Variants in HMMR observed in about 807,000 individuals in gnomAD.
HMMR encodes intracellular hyaluronic acid-binding protein.
In HMMR, 108 loss-of-function variants were observed where a neutral mutation model predicts 101.0. The observed-to-expected ratio is 1.07, with a 90% confidence interval of 0.92 to 1.25. HMMR has a LOEUF of 1.25. HMMR is among the 50% of genes most tolerant of loss of function. HMMR has a pLI of 0.00. For synonymous variants in HMMR, 296 were observed against 276.4 expected (o/e 1.07, Z -0.70); for missense variants, 813 against 788.7 (o/e 1.03, Z -0.37).
Position 163,482,746 on chromosome 5 carries a change from A to G in HMMR, c.1490A>G (p.His497Arg). The change falls in exon 13 of 18, where the codon CAT (histidine) becomes CGT (arginine). Residue 497 changes from histidine to arginine, a missense_variant. Coordinates refer to ENST00000393915, the MANE Select transcript of HMMR (RefSeq NM_001142556.2). ...KAGKNAEDVQ[H>R]QILATESSNQ... ...GGGAAAAATGCAGAGGATGTTCAGC[A>G]TCAGATTTTGGCAACTGAGAGCTCA... 2 of 1,614,068 alleles carry G rather than the reference A, an allele frequency of 1.2e-6. No homozygotes were observed. The highest frequency in any genetic ancestry group is 1.7e-6 in the Non-Finnish European group (2 of 1,179,906).
intron 16 of HMMR, among the ~76,000 whole-genome samples, chr5:163,487,171 T>C (rs1046811845): frequency 6.6e-6 from 1 of 152,260 alleles, no homozygotes; most frequent in African/African-American, 2.4e-5. Flanking sequence ...TAATGAATTC[T>C]ATCAAGTGCT....
intron 1 of HMMR, 36 bp from the exon 2 acceptor site, chr5:163,463,820 A>G (rs1758615365): frequency 1.3e-6 from 1 of 799,144 alleles, no homozygotes; most frequent in Non-Finnish European, 1.9e-6. Context: ...CATAAGTAAC[A>G]TTAGATAATA....
chr5:163,473,236 A>G lies in HMMR; in HGVS notation c.708A>G (p.Glu236=). ...DEKSETEKLL[E]YIEEISCASD... ...AATCTGAAACAGAAAAACTCTTGGA[A>G]TACATCGAAGAAATTAGGTAATATG... Residue 236 remains glutamate, a synonymous_variant, in exon 8 of 18, where the codon GAA becomes GAG. Coordinates refer to ENST00000393915, the MANE Select transcript of HMMR (RefSeq NM_001142556.2). The G allele has an allele frequency of 1.3e-6, 2 of 1,577,272 alleles. No individual in the cohort carries two copies. The highest frequency in any genetic ancestry group is 8.7e-7 in the Non-Finnish European group (1 of 1,149,406).
rs1758996334 is a variant in HMMR, at chr5:163,474,191, CT to C, written c.1040del (p.Leu347ArgfsTer33). Reference sequence around the variant, plus strand: ...AAAAGAATTACAAATTGATTCACTTCTGCAACAAGAGAAAGTAATTTACCAC... The same window carrying C: ...AAAAGAATTACAAATTGATTCACTTCGCAACAAGAGAAAGTAATTTACCAC... ...QQKELQIDSL[L>X]QQEKELSSSL... is the part of the protein sequence containing the mutation. On this transcript the variant is annotated frameshift_variant, in exon 10 of 18. Transcript: ENST00000393915. LOFTEE classifies it high-confidence loss of function. The C allele has an allele frequency of 6.2e-7, 1 of 1,604,670 alleles. No individual in the cohort carries two copies. Among genetic ancestry groups the C allele is most frequent in the Non-Finnish European group, 8.5e-7 (1 of 1,176,180 alleles).
At chr5:163,480,226 CCCT>C (rs1175641833) in intron 12 of HMMR, among the ~76,000 whole-genome samples, 2 of 152,106 alleles carry the variant, frequency 1.3e-5, no homozygotes, top group South Asian at 2.1e-4. Context: ...GCTTTTTCCC[CCCT>C]GTGTATTATA....
At chr5:163,464,971 C>T in intron 3 of HMMR, 169 bp downstream of exon 3, 2 of 584,086 alleles carry the variant, frequency 3.4e-6, no homozygotes, top group Non-Finnish European at 6.1e-6. Flanking sequence ...ACATTTCTGC[C>T]TAGGTCATTA....
At chr5:163,483,462 A>T in intron 15 of HMMR, 95 bp downstream of exon 15, 1 of 674,870 alleles carries the variant, frequency 1.5e-6, no homozygotes, top group South Asian at 2.1e-5. Flanking sequence ...TTTCTGCAAG[A>T]TCATTTTGCT....
intron 2 of HMMR, among the ~76,000 whole-genome samples, 183 bp from the exon 3 acceptor site, chr5:163,464,540 G>A (rs1024051800): frequency 1.2e-4 from 19 of 152,106 alleles, no homozygotes; most frequent in African/African-American, 4.3e-4. Context: ...CTTGAAACTG[G>A]GAGGCAGAGG....
chr5:163,490,864 G>T (rs1581206857), intron 17 of HMMR, among the ~76,000 whole-genome samples: 1 of 152,140 alleles, frequency 6.6e-6, no homozygotes, highest in African/African-American at 2.4e-5. Context: ...TAACCTAAAT[G>T]TCTCTTAGGT....
chr5:163,469,370 CAAAAAA>C (rs11325489), intron 4 of HMMR, among the ~76,000 whole-genome samples: 1 of 108,254 alleles, frequency 9.2e-6, no homozygotes. Context: ...GACTCCATCT[CAAAAAA>C]AAAAAAAAAA....
chr5:163,466,887 T>A (rs751511476), intron 3 of HMMR, among the ~76,000 whole-genome samples: 1 of 152,236 alleles, frequency 6.6e-6, no homozygotes, highest in Non-Finnish European at 1.5e-5. Context: ...GACACTCTTT[T>A]CTTAGAAATT....
chr5:163,480,799 G>T (rs537125006), intron 12 of HMMR, among the ~76,000 whole-genome samples: 1 of 152,054 alleles, frequency 6.6e-6, no homozygotes, highest in Non-Finnish European at 1.5e-5. Flanking sequence ...TGTCTATAGG[G>T]TTATCATCTT....
intron 5 of HMMR, among the ~76,000 whole-genome samples, chr5:163,470,411 C>G (rs991462755): frequency 6.6e-6 from 1 of 152,054 alleles, no homozygotes; most frequent in Non-Finnish European, 1.5e-5. Flanking sequence ...CACTTGAGGT[C>G]AGGATTTTGA....
chr5:163,487,571 T>C (rs1481125077), intron 16 of HMMR, among the ~76,000 whole-genome samples: 2 of 152,160 alleles, frequency 1.3e-5, no homozygotes, highest in Non-Finnish European at 2.9e-5. Flanking sequence ...TGTGAATATT[T>C]TTTGGTTACT....
intron 1 of HMMR, among the ~76,000 whole-genome samples, chr5:163,462,852 A>G (rs1758584074): frequency 1.5e-5 from 2 of 133,692 alleles, no homozygotes; most frequent in East Asian, 4.6e-4. Flanking sequence ...AAAAAAAAAA[A>G]TCATGAGTTC....
In HMMR at chr5:163,491,308, C is replaced by T. The variant is rs1350481451; in HGVS notation, c.*144C>T. On this transcript the variant is annotated 3_prime_UTR_variant, in exon 18 of 18. Coordinates refer to ENST00000393915, the MANE Select transcript of HMMR (RefSeq NM_001142556.2). ...AATATGTGAAAGGAACATTTTTTAC[C>T]AAAGTGTCTTTTGACATTTTATTTT... 3.8e-6 allele frequency: 2 copies of T among 521,482 alleles called. No homozygotes were observed. Among genetic ancestry groups the T allele is most frequent in the Non-Finnish European group, 3.4e-6 (1 of 296,498 alleles). 32.3% of individuals were successfully genotyped at this position (521,482 alleles called of 1,614,324 possible).
intron 17 of HMMR, 83 bp downstream of exon 17, chr5:163,490,635 A>G: frequency 9.3e-7 from 1 of 1,078,896 alleles, no homozygotes; most frequent in East Asian, 2.4e-5. Flanking sequence ...CATTTTATGA[A>G]CTGTGAAAAT....
chr5:163,483,060 AC>A lies in HMMR; in HGVS notation c.1574del (p.Thr525LysfsTer14). On this transcript the variant is annotated frameshift_variant, in exon 14 of 18. Transcript: ENST00000393915. LOFTEE classifies it high-confidence loss of function. ...DLQTKSALKE[T>X]EIKEITVSFL... is the part of the protein sequence containing the mutation. ...GCAGACCAAGTCAGCACTAAAGGAA[AC>A]AGAAATTAAAGAAATCACAGTTTCT... The A allele has an allele frequency of 3.7e-6, 6 of 1,612,726 alleles. No homozygotes were observed. Among genetic ancestry groups the A allele is most frequent in the Non-Finnish European group, 5.1e-6 (6 of 1,179,430 alleles).
chr5:163,485,822 G>A (rs1178825210), intron 16 of HMMR, among the ~76,000 whole-genome samples: 1 of 152,138 alleles, frequency 6.6e-6, no homozygotes, highest in East Asian at 1.9e-4. Flanking sequence ...GTTAATTTTT[G>A]TATGTGGTGT....
Sources: gnomAD v4.1 joint callset for allele counts (sites outside exome capture counted in the v4.1 genomes callset) on GRCh38, gnomAD v4.1.1 for gene constraint, MANE v1.5 for transcripts, NCBI Gene and HGNC (gene_info 2026-07-23, HGNC 2026-07-21) for gene names.